Variants in PDE4B observed in about 807,000 individuals in gnomAD.
PDE4B encodes 3',5'-cyclic-AMP phosphodiesterase 4B.
A neutral mutation model predicts 82.2 loss-of-function variants in PDE4B; 20 were observed. The ratio of observed to expected loss-of-function variants is 0.24; its 90% CI spans 0.17 to 0.35. The LOEUF is 0.35. Ranked by LOEUF, PDE4B falls within the 10% of genes least tolerant of loss-of-function variation. The pLI is 1.00. For missense variants in PDE4B, 655 were observed against 907.2 expected, an observed-to-expected ratio of 0.72 and a Z score of 3.57; for synonymous variants, 320 against 318.9, an observed-to-expected ratio of 1.00 and a Z score of -0.04.
Position 66,274,316 on chromosome 1 carries a change from A to G in PDE4B, c.634+8229A>G, listed in dbSNP as rs114889361. On this transcript the variant is annotated intron_variant, in intron 7 of 16. Coordinates refer to ENST00000341517, the MANE Select transcript of PDE4B (RefSeq NM_002600.4). ...GCTGGGATTACAGGTATGCGTCACA[A>G]CACCCAGCTAATTTTTTTTTTTTTT... Among the ~76,000 whole-genome samples the G allele has an allele frequency of 5.0e-3, 728 of 145,738 alleles. 6 individuals carry two copies. The highest frequency in any genetic ancestry group is 0.017 in the African/African-American group (695 of 39,760).
intron 1 of PDE4B, among the ~76,000 whole-genome samples, chr1:65,873,873 C>T (rs879835971): frequency 5.3e-5 from 8 of 151,932 alleles, no homozygotes; most frequent in Non-Finnish European, 1.0e-4. Context: ...AGATTTTTTT[C>T]GGCTTAGGAT....
chr1:65,967,700 T>C (rs957741434), intron 3 of PDE4B, among the ~76,000 whole-genome samples: 1 of 152,090 alleles, frequency 6.6e-6, no homozygotes, highest in East Asian at 1.9e-4. Context: ...TAAAAAAGGA[T>C]GAGTTCATGT....
At chr1:66,056,512 C>T (rs527545784) in intron 3 of PDE4B, among the ~76,000 whole-genome samples, 51 of 73,986 alleles carry the variant, frequency 6.9e-4, no homozygotes, top group African/African-American at 2.7e-3. Context: ...ATCTATCTAT[C>T]TATCTATCTA....
rs376075112 is a variant in PDE4B, at chr1:66,041,799, T to TACACAC, written c.281+122988_281+122993dup. 3.2e-3 allele frequency among the ~76,000 whole-genome samples: 447 copies of TACACAC among 139,128 alleles called. 3 individuals are homozygous for TACACAC. Among genetic ancestry groups the TACACAC allele is most frequent in the East Asian group, 0.011 (53 of 4,942 alleles). 91.3% of individuals were successfully genotyped at this position (139,128 alleles called of 152,430 possible). A position where few individuals can be genotyped will look rare whatever the true frequency, so the allele number is the denominator to read the frequency against. On this transcript the variant is annotated intron_variant, in intron 3 of 16. Transcript: ENST00000341517. ...AATCTATTTTACTTTTGCTTTGAAATACACACACACACACACACACACACA... is the reference window on the plus strand; with the variant it reads ...AATCTATTTTACTTTTGCTTTGAAATACACACACACACACACACACACACACACACA...
chr1:66,361,957 G>A (rs1662811104), intron 10 of PDE4B, among the ~76,000 whole-genome samples, 164 bp downstream of exon 10: 1 of 152,210 alleles, frequency 6.6e-6, no homozygotes, highest in African/African-American at 2.4e-5. Flanking sequence ...AAGGCCTTCT[G>A]AAAGCTGTCA....
At chr1:65,846,103 G>T (rs78936810) in intron 1 of PDE4B, among the ~76,000 whole-genome samples, 1 of 152,146 alleles carries the variant, frequency 6.6e-6, no homozygotes, top group Non-Finnish European at 1.5e-5. Flanking sequence ...TACTAATCTT[G>T]TTTGACTCCA....
chr1:66,226,523 A>T lies in PDE4B; in HGVS notation c.282-20937A>T, dbSNP rs762101566. Among the ~76,000 whole-genome samples the T allele has an allele frequency of 5.9e-5, 9 of 152,226 alleles. 1 individual carries two copies. The East Asian group carries it at 1.7e-3, about 29-fold the overall frequency. On this transcript the variant is annotated intron_variant, in intron 3 of 16. Transcript: ENST00000341517. The stretch of plus-strand genomic sequence containing the variant: ...AGCTGGCATTTGCTCTGAGGAATCA[A>T]TAATATGAAGGAGCCACTTTGTGAA...
intron 9 of PDE4B, among the ~76,000 whole-genome samples, chr1:66,357,141 T>A (rs1385501257): frequency 6.6e-6 from 1 of 152,176 alleles, no homozygotes; most frequent in Non-Finnish European, 1.5e-5. Context: ...ATTTTTGTCT[T>A]CATAAGCATT....
At chr1:66,001,928 G>T (rs951353038) in intron 3 of PDE4B, among the ~76,000 whole-genome samples, 2 of 151,958 alleles carry the variant, frequency 1.3e-5, no homozygotes, top group African/African-American at 4.8e-5. Context: ...TCACCATGTT[G>T]CCCAGGCTGG....
intron 8 of PDE4B, among the ~76,000 whole-genome samples, chr1:66,341,907 CTT>C (rs1322338757): frequency 6.6e-6 from 1 of 152,190 alleles, no homozygotes. Flanking sequence ...TTTCTAGACT[CTT>C]GAGTCATATT....
At chr1:66,043,249 AT>A (rs1336506192) in intron 3 of PDE4B, among the ~76,000 whole-genome samples, 1 of 151,646 alleles carries the variant, frequency 6.6e-6, no homozygotes, top group Non-Finnish European at 1.5e-5. Flanking sequence ...CCAGTTATAA[AT>A]TTTTTTTAAA....
At chr1:66,220,426 C>T (rs1304814894) in intron 3 of PDE4B, among the ~76,000 whole-genome samples, 1 of 152,136 alleles carries the variant, frequency 6.6e-6, no homozygotes, top group Non-Finnish European at 1.5e-5. Flanking sequence ...GGTACATTAG[C>T]ATCCTCTTAA....
chr1:65,837,794 T>TTGTG (rs369976464), intron 1 of PDE4B, among the ~76,000 whole-genome samples: 2 of 141,110 alleles, frequency 1.4e-5, no homozygotes, highest in Admixed American at 7.5e-5. Flanking sequence ...ATAGGTAAAC[T>TTGTG]TGTGTGTGTG....
chr1:65,961,833 TG>T (rs1254313286), intron 3 of PDE4B, among the ~76,000 whole-genome samples: 2 of 151,438 alleles, frequency 1.3e-5, no homozygotes, highest in Admixed American at 6.6e-5. Flanking sequence ...GGATTGGGAG[TG>T]GAGAGAGAAT....
intron 3 of PDE4B, among the ~76,000 whole-genome samples, chr1:66,176,590 T>A (rs1382754803): frequency 3.3e-5 from 5 of 152,222 alleles, no homozygotes; most frequent in Non-Finnish European, 7.3e-5. Flanking sequence ...GATAATCAAG[T>A]TATAAAACTG....
chr1:65,999,921 C>A (rs1297134423), intron 3 of PDE4B, among the ~76,000 whole-genome samples: 2 of 152,188 alleles, frequency 1.3e-5, no homozygotes, highest in Non-Finnish European at 2.9e-5. Flanking sequence ...GCATTCTTCT[C>A]CAATCATCTC....
chr1:66,075,342 T>G (rs546145128), intron 3 of PDE4B, among the ~76,000 whole-genome samples: 1 of 152,034 alleles, frequency 6.6e-6, no homozygotes, highest in East Asian at 2.0e-4. Context: ...TTAAAATGCA[T>G]TGGGTGTATG....
At chr1:65,912,305 G>A (rs959622137) in intron 1 of PDE4B, among the ~76,000 whole-genome samples, 19 of 152,202 alleles carry the variant, frequency 1.2e-4, no homozygotes, top group African/African-American at 4.3e-4. Context: ...ATTGAGTAAC[G>A]CTGAGATTTG....
chr1:65,876,916 T>C (rs1333787889), intron 1 of PDE4B, among the ~76,000 whole-genome samples: 1 of 152,014 alleles, frequency 6.6e-6, no homozygotes, highest in Non-Finnish European at 1.5e-5. Flanking sequence ...CACAAGCAAA[T>C]GGAAAAAGAG....
Sources: gnomAD v4.1 joint callset for allele counts (sites outside exome capture counted in the v4.1 genomes callset) on GRCh38, gnomAD v4.1.1 for gene constraint, MANE v1.5 for transcripts, NCBI Gene and HGNC (gene_info 2026-07-23, HGNC 2026-07-21) for gene names.